The following NUBPL variants were observed in gnomAD, a reference collection of about 807,000 sequenced individuals.
The protein encoded by NUBPL is NUBP iron-sulfur cluster assembly factor, mitochondrial.
NUBPL carries 31 observed loss-of-function variants against 45.7 expected under a neutral mutation model. That is an observed-to-expected ratio of 0.68 (90% CI 0.51 to 0.92). The LOEUF is 0.92. Among genes scored for constraint, NUBPL ranks in the 40% least tolerant of loss-of-function variants. NUBPL has a pLI of 0.00. For synonymous variants in NUBPL, 144 were observed against 140.9 expected, an observed-to-expected ratio of 1.02 and a Z score of -0.15; for missense variants, 401 against 398.7, an observed-to-expected ratio of 1.01 and a Z score of -0.05.
At chr14:31,561,655 A>AC (rs1230460685) in intron 1 of NUBPL, 108 bp downstream of exon 1, 18 of 739,856 alleles carry the variant, frequency 2.4e-5, no homozygotes, top group Non-Finnish European at 9.9e-6. Context: ...AGTTCCTGAG[A>AC]CCCCCAGTGT....
At chr14:31,654,407 T>C (rs1197441031) in intron 4 of NUBPL, among the ~76,000 whole-genome samples, 3 of 151,184 alleles carry the variant, frequency 2.0e-5, no homozygotes, top group Non-Finnish European at 2.9e-5. Context: ...TTAACTTTTT[T>C]TTTTCTTTTT....
At chr14:31,613,873 A>T (rs556722691) in intron 4 of NUBPL, among the ~76,000 whole-genome samples, 35 of 152,212 alleles carry the variant, frequency 2.3e-4, no homozygotes, top group African/African-American at 8.2e-4. Flanking sequence ...CCCCATAAAT[A>T]TATACATACT....
At chr14:31,735,964 G>A (rs1197069420) in intron 6 of NUBPL, among the ~76,000 whole-genome samples, 1 of 152,090 alleles carries the variant, frequency 6.6e-6, no homozygotes, top group Non-Finnish European at 1.5e-5. Context: ...CTATGGTGGT[G>A]GCCCATAAAA....
chr14:31,588,971 T>C (rs550622644), intron 3 of NUBPL, among the ~76,000 whole-genome samples: 1 of 152,158 alleles, frequency 6.6e-6, no homozygotes, highest in East Asian at 1.9e-4. Flanking sequence ...TAAGCAACAT[T>C]TTCATTTATC....
chr14:31,846,798 T>G (rs1012223554), intron 9 of NUBPL, among the ~76,000 whole-genome samples: 1 of 151,854 alleles, frequency 6.6e-6, no homozygotes, highest in Non-Finnish European at 1.5e-5. Flanking sequence ...CTACTAAAAA[T>G]ACAAAAAATT....
rs140580026 is a variant in NUBPL, at chr14:31,614,671, A to C, written c.382+15292A>C. On this transcript the variant is annotated intron_variant, in intron 4 of 10. Coordinates refer to ENST00000281081, the MANE Select transcript of NUBPL (RefSeq NM_025152.3). ...TGGGTCAAAAGTGATACATTAAAGG[A>C]GACATTATTTCTGTTTATTTAGTAG... Among the ~76,000 whole-genome samples, 429 of 152,316 alleles carry C rather than the reference A, an allele frequency of 2.8e-3. 2 individuals carry two copies. Among genetic ancestry groups the C allele is most frequent in the African/African-American group, 9.7e-3 (403 of 41,576 alleles).
At chr14:31,581,050 G>C (rs954952524) in intron 3 of NUBPL, among the ~76,000 whole-genome samples, 1 of 152,194 alleles carries the variant, frequency 6.6e-6, no homozygotes, top group African/African-American at 2.4e-5. Context: ...CGACTAGCTA[G>C]TAGCTAATGC....
chr14:31,760,495 T>G (rs2038783457), intron 6 of NUBPL, among the ~76,000 whole-genome samples: 1 of 152,110 alleles, frequency 6.6e-6, no homozygotes, highest in African/African-American at 2.4e-5. Context: ...CCCCCATTCT[T>G]CCACTATAAC....
At chr14:31,597,297 C>T (rs2139549256) in intron 3 of NUBPL, among the ~76,000 whole-genome samples, 1 of 152,286 alleles carries the variant, frequency 6.6e-6, no homozygotes, top group South Asian at 2.1e-4. Flanking sequence ...TTTCCCCCTC[C>T]TCCTTAATTT....
chr14:31,688,652 G>GTTTTTTT (rs552419842), intron 6 of NUBPL, among the ~76,000 whole-genome samples: 1 of 99,138 alleles, frequency 1.0e-5, no homozygotes, highest in African/African-American at 4.0e-5. Context: ...ACAGGTTTTT[G>GTTTTTTT]TTGTTGTTTT....
chr14:31,744,205 C>T (rs1228077371), intron 6 of NUBPL, among the ~76,000 whole-genome samples: 3 of 152,116 alleles, frequency 2.0e-5, no homozygotes, highest in Non-Finnish European at 2.9e-5. Flanking sequence ...AGTCACTCAG[C>T]CTTATGTCGT....
chr14:31,668,560 G>A (rs2036494088), intron 4 of NUBPL, among the ~76,000 whole-genome samples: 1 of 152,140 alleles, frequency 6.6e-6, no homozygotes, highest in Non-Finnish European at 1.5e-5. Flanking sequence ...TCAGGGGAGT[G>A]AACGGTTCTG....
chr14:31,598,350 G>A (rs945671443), intron 3 of NUBPL, among the ~76,000 whole-genome samples: 12 of 152,034 alleles, frequency 7.9e-5, no homozygotes, highest in Admixed American at 5.9e-4. Flanking sequence ...AAATTTTGTC[G>A]AGGGGTTACG....
chr14:31,826,220 A>C (rs2138966294), intron 7 of NUBPL, among the ~76,000 whole-genome samples: 1 of 152,194 alleles, frequency 6.6e-6, no homozygotes, highest in African/African-American at 2.4e-5. Context: ...TCCCAGGTTC[A>C]AGTGATTCTC....
chr14:31,684,077 A>G (rs1056752351), intron 6 of NUBPL, among the ~76,000 whole-genome samples: 8 of 152,176 alleles, frequency 5.3e-5, no homozygotes, highest in African/African-American at 9.7e-5. Flanking sequence ...CCATAGCTCA[A>G]TAGCTAAGGG....
At chr14:31,814,470 C>G (rs2039876063) in intron 7 of NUBPL, among the ~76,000 whole-genome samples, 1 of 151,974 alleles carries the variant, frequency 6.6e-6, no homozygotes, top group Non-Finnish European at 1.5e-5. Context: ...AAATTTTCTC[C>G]CATTCTATAG....
intron 6 of NUBPL, among the ~76,000 whole-genome samples, chr14:31,734,398 C>A (rs1410287591): frequency 1.3e-5 from 2 of 152,154 alleles, no homozygotes; most frequent in Non-Finnish European, 2.9e-5. Context: ...TATCTCCAAT[C>A]TAACATAGAG....
At chr14:31,641,349 T>C (rs1036598956) in intron 4 of NUBPL, among the ~76,000 whole-genome samples, 18 of 152,220 alleles carry the variant, frequency 1.2e-4, no homozygotes, top group Admixed American at 3.9e-4. Flanking sequence ...TCTTGGCCTC[T>C]GGTAACCACC....
At chr14:31,732,029 C>T (rs1213376982) in intron 6 of NUBPL, among the ~76,000 whole-genome samples, 2 of 151,300 alleles carry the variant, frequency 1.3e-5, no homozygotes, top group Non-Finnish European at 2.9e-5. Flanking sequence ...GGTGAAATCC[C>T]GTCTCTACTA....
Sources: allele counts gnomAD v4.1 joint callset (sites outside exome capture counted in the v4.1 genomes callset), GRCh38; gene constraint gnomAD v4.1.1; transcripts MANE v1.5; gene names NCBI Gene and HGNC (gene_info 2026-07-23, HGNC 2026-07-21).